Variants in PRKN observed in about 807,000 individuals in gnomAD.
The protein encoded by PRKN is E3 ubiquitin-protein ligase parkin.
In PRKN, 56 loss-of-function variants were observed where a neutral mutation model predicts 59.5. The ratio of observed to expected loss-of-function variants is 0.94; its 90% CI spans 0.76 to 1.18. The LOEUF is 1.18. Among genes scored for constraint, PRKN ranks in the 50% most tolerant of loss-of-function variants. The pLI is 0.00. For missense variants in PRKN, 657 were observed against 596.4 expected (o/e 1.10, Z -1.06); for synonymous variants, 250 against 222.1 (o/e 1.13, Z -1.12).
intron 6 of PRKN, among the ~76,000 whole-genome samples, chr6:161,833,752 G>A (rs1341788515): frequency 2.0e-5 from 3 of 152,256 alleles, no homozygotes; most frequent in Non-Finnish European, 4.4e-5. Flanking sequence ...TCCGAGGCTA[G>A]CACCCACGAC....
chr6:161,633,193 C>A (rs1042465455), intron 7 of PRKN, among the ~76,000 whole-genome samples: 33 of 152,150 alleles, frequency 2.2e-4, no homozygotes, highest in African/African-American at 7.5e-4. Context: ...CACACACATA[C>A]ACATACACTC....
intron 7 of PRKN, among the ~76,000 whole-genome samples, chr6:161,679,472 C>T (rs2128171702): frequency 6.6e-6 from 1 of 151,988 alleles, no homozygotes; most frequent in East Asian, 1.9e-4. Flanking sequence ...CTGGGAATGT[C>T]CTAGTTAGGC....
chr6:162,333,811 CA>C (rs1242352258), intron 2 of PRKN, among the ~76,000 whole-genome samples: 2 of 152,168 alleles, frequency 1.3e-5, no homozygotes, highest in Non-Finnish European at 2.9e-5. Context: ...CGTTGAAAGC[CA>C]AGACAGGCTT....
intron 7 of PRKN, among the ~76,000 whole-genome samples, chr6:161,662,369 C>A (rs75617339): frequency 0.041 from 6,201 of 152,140 alleles, 187 homozygotes; most frequent in Non-Finnish European, 0.059. Flanking sequence ...GTGACAGGAA[C>A]GGATGGGAGA....
intron 4 of PRKN, among the ~76,000 whole-genome samples, chr6:162,200,778 G>A (rs762227436): frequency 6.6e-6 from 1 of 152,120 alleles, no homozygotes; most frequent in African/African-American, 2.4e-5. Context: ...CACAGATCAA[G>A]ATACAAAACA....
chr6:162,682,167 T>C (rs1207191339), intron 1 of PRKN, among the ~76,000 whole-genome samples: 1 of 152,068 alleles, frequency 6.6e-6, no homozygotes, highest in Non-Finnish European at 1.5e-5. Context: ...GCCATACAAG[T>C]GCATATAGTA....
In PRKN at chr6:161,562,635, G is replaced by A. The variant is rs1028808953; in HGVS notation, c.933+6720C>T. 1.3e-5 allele frequency among the ~76,000 whole-genome samples: 2 copies of A among 152,128 alleles called. No individual in the cohort carries two copies. The highest frequency in any genetic ancestry group is 4.8e-5 in the African/African-American group (2 of 41,428). On this transcript the variant is annotated intron_variant, in intron 8 of 11. Transcript: ENST00000366898. The surrounding 1 kb of genome is among the most constrained non-coding windows in gnomAD (Gnocchi z 4.3). ...TCCATGCTTCAGGCATAGCAAATGT[G>A]TTCAGAATTGAAGCTCAGATCCCAT...
intron 6 of PRKN, among the ~76,000 whole-genome samples, chr6:161,816,727 C>CAA (rs36108714): frequency 1.8e-4 from 26 of 141,472 alleles, no homozygotes; most frequent in Non-Finnish European, 3.5e-4. Flanking sequence ...GACTCCATCT[C>CAA]AAAAAAAAAA....
chr6:161,635,936 C>T (rs1224428472), intron 7 of PRKN, among the ~76,000 whole-genome samples: 1 of 152,134 alleles, frequency 6.6e-6, no homozygotes, highest in Non-Finnish European at 1.5e-5. Flanking sequence ...TTGTAAGAGC[C>T]CACCAAGGGC....
intron 3 of PRKN, among the ~76,000 whole-genome samples, chr6:162,208,798 T>C (rs969216226): frequency 1.3e-5 from 2 of 152,152 alleles, no homozygotes; most frequent in Non-Finnish European, 2.9e-5. Flanking sequence ...ATGCTGCAGA[T>C]AATGTGTCCA....
intron 5 of PRKN, among the ~76,000 whole-genome samples, chr6:161,994,580 C>T (rs571895565): frequency 7.2e-5 from 11 of 151,982 alleles, no homozygotes; most frequent in Non-Finnish European, 1.6e-4. Context: ...ACCTAGACTC[C>T]ACCAAAAAAC....
chr6:162,707,173 A>G (rs1020116236), intron 1 of PRKN, among the ~76,000 whole-genome samples: 4 of 152,220 alleles, frequency 2.6e-5, no homozygotes, highest in Non-Finnish European at 5.9e-5. Flanking sequence ...ACCAAAATCA[A>G]GATAATTCTT....
chr6:161,766,620 A>C (rs1449337287), intron 7 of PRKN, among the ~76,000 whole-genome samples: 2 of 152,146 alleles, frequency 1.3e-5, no homozygotes, highest in Admixed American at 1.3e-4. Flanking sequence ...GGTTCCACAG[A>C]ACACAGTTTG....
At chr6:162,633,061 T>C (rs975436341) in intron 1 of PRKN, among the ~76,000 whole-genome samples, 1 of 152,094 alleles carries the variant, frequency 6.6e-6, no homozygotes, top group African/African-American at 2.4e-5. Flanking sequence ...TGAATGTATC[T>C]TTAGTACATA....
At position 162,453,562 on chromosome 6, in the gene PRKN, T is replaced by C. The variant is rs141516523; in HGVS notation, c.8-10089A>G. ...CATCCTAACCAACTATGTAAGCATG[T>C]CACACAGTTTCTCTCTCTCAATTTA... is the stretch of plus-strand genomic sequence containing the variant. On this transcript the variant is annotated intron_variant, in intron 1 of 11. Transcript: ENST00000366898. 6.4e-3 allele frequency among the ~76,000 whole-genome samples: 976 copies of C among 152,160 alleles called. 9 individuals carry two copies. The highest frequency in any genetic ancestry group is 0.022 in the African/African-American group (918 of 41,518).
intron 5 of PRKN, among the ~76,000 whole-genome samples, chr6:162,014,688 C>T (rs1457098572): frequency 6.6e-6 from 1 of 152,150 alleles, no homozygotes; most frequent in Non-Finnish European, 1.5e-5. Flanking sequence ...GGGCTTGTTG[C>T]TTTAAATGGC....
At chr6:162,683,913 TA>T (rs1169071929) in intron 1 of PRKN, among the ~76,000 whole-genome samples, 2 of 152,138 alleles carry the variant, frequency 1.3e-5, no homozygotes, top group Admixed American at 6.5e-5. Flanking sequence ...CTTAGGTGGA[TA>T]AATGTTTAAG....
intron 7 of PRKN, among the ~76,000 whole-genome samples, chr6:161,608,894 A>G (rs2128145856): frequency 6.6e-6 from 1 of 152,202 alleles, no homozygotes; most frequent in Non-Finnish European, 1.5e-5. Context: ...TTATTTTATT[A>G]TTATTACTAT....
intron 1 of PRKN, among the ~76,000 whole-genome samples, chr6:162,556,342 G>GGGGGGGGGGTGTGTGT (rs1175202893): frequency 1.7e-5 from 1 of 57,300 alleles, no homozygotes; most frequent in Non-Finnish European, 3.3e-5. Context: ...CTACTCAGCT[G>GGGGGGGGGGTGTGTGT]GTGTGTGTGT....
Sources: gnomAD v4.1 joint callset for allele counts (sites outside exome capture counted in the v4.1 genomes callset) on GRCh38, gnomAD v4.1.1 for gene constraint, Gnocchi (gnomAD v3.1) non-coding constraint, MANE v1.5 for transcripts, NCBI Gene and HGNC (gene_info 2026-07-23, HGNC 2026-07-21) for gene names.